CHUK: variants seen among roughly 807,000 people sequenced by gnomAD.
CHUK encodes component of inhibitor of nuclear factor kappa B kinase complex.
CHUK carries 35 observed loss-of-function variants against 104.8 expected under a neutral mutation model. The observed-to-expected ratio is 0.33, with a 90% CI of 0.26 to 0.44. The LOEUF (loss-of-function observed/expected upper bound fraction) is 0.44. Among genes scored for constraint, CHUK ranks in the 20% least tolerant of loss-of-function variants. CHUK has a pLI of 1.00. For synonymous variants in CHUK, 276 were observed against 291.9 expected, an observed-to-expected ratio of 0.95 and a Z score of 0.56; for missense variants, 663 against 902.7, an observed-to-expected ratio of 0.73 and a Z score of 3.40.
intron 11 of CHUK, among the ~76,000 whole-genome samples, chr10:100,206,103 A>G (rs1323759297): frequency 6.6e-6 from 1 of 152,148 alleles, no homozygotes. Flanking sequence ...ACCAAATGTA[A>G]TGTGTTCTAA....
intron 1 of CHUK, among the ~76,000 whole-genome samples, chr10:100,228,637 A>C (rs1170227751): frequency 6.6e-6 from 1 of 152,236 alleles, no homozygotes; most frequent in African/African-American, 2.4e-5. Context: ...CCTGGGCGAC[A>C]GAGTGAGACT....
chr10:100,217,848 G>C (rs551092997), intron 9 of CHUK, 147 bp downstream of exon 9: 1 of 855,492 alleles, frequency 1.2e-6, no homozygotes, highest in East Asian at 2.7e-5. Context: ...CTGCACTCCA[G>C]CCTAGGTGAC....
intron 9 of CHUK, 31 bp downstream of exon 9, chr10:100,217,963 TG>T (rs1564839540): frequency 1.3e-6 from 2 of 1,595,102 alleles, no homozygotes; most frequent in Non-Finnish European, 1.7e-6. Context: ...CTTTCAATGC[TG>T]GTCTTATGCA....
At position 100,193,413 on chromosome 10, in the gene CHUK, A is replaced by G; in HGVS notation, c.1993T>C (p.Ser665Pro). 6.2e-7 allele frequency: 1 copy of G among 1,614,136 alleles called. No homozygotes were observed. ...KIACTQSSAR[S>P]LVGSSLEGAV... ...CCTTCTAGACTGGATCCTACAAGGG[A>G]CCGGGCAGAACTCTGTGTCTGAAGG... is the stretch of plus-strand genomic sequence containing the variant. The change falls in exon 19 of 21, where the codon TCC (serine) becomes CCC (proline). Residue 665 changes from serine to proline, a missense_variant. Coordinates refer to ENST00000370397, the MANE Select transcript of CHUK (RefSeq NM_001278.5).
chr10:100,209,509 G>A (rs956532373), intron 10 of CHUK, 86 bp downstream of exon 10: 1 of 825,798 alleles, frequency 1.2e-6, no homozygotes, highest in Non-Finnish European at 2.1e-6. Context: ...GCCTCCCAAG[G>A]AATTCCAAGT....
At position 100,207,316 on chromosome 10, in the gene CHUK, T is replaced by A; in HGVS notation, c.1145A>T (p.Tyr382Phe). Reference protein sequence around the residue: ...VLDGVRGCDSYMVYLFDKSKT... With the variant: ...VLDGVRGCDSFMVYLFDKSKT... ...ACTTTTATCAAACAAATAAACCATA[T>A]AGCTATCACAGCCTCTCTGAAAAAG... Residue 382 changes from tyrosine (Y) to phenylalanine (F), a missense_variant, in exon 11 of 21, where the codon TAT (tyrosine) becomes TTT (phenylalanine). This residue lies in a region of CHUK where 93 missense variants were observed against 95.9 expected (regional missense o/e 0.97). Coordinates refer to ENST00000370397, the MANE Select transcript of CHUK (RefSeq NM_001278.5). 2 of 1,496,792 alleles carry A rather than the reference T, an allele frequency of 1.3e-6. No individual in the cohort carries two copies. The highest frequency in any genetic ancestry group is 1.9e-6 in the Non-Finnish European group (2 of 1,074,300). 92.7% of individuals were successfully genotyped at this position (1,496,792 alleles called of 1,614,324 possible). A position where few individuals can be genotyped will look rare whatever the true frequency, so the allele number is the denominator to read the frequency against.
intron 19 of CHUK, among the ~76,000 whole-genome samples, chr10:100,191,623 A>G (rs1395475387): frequency 6.6e-6 from 1 of 152,164 alleles, no homozygotes; most frequent in Admixed American, 6.5e-5. Context: ...CCTCTTCTAT[A>G]TGGCCTCTAG....
intron 20 of CHUK, chr10:100,190,272 T>C (rs1845166485): frequency 6.3e-6 from 1 of 158,126 alleles, no homozygotes; most frequent in Non-Finnish European, 1.4e-5. Flanking sequence ...CCACCTGCCT[T>C]GGCCTCCCAA....
Position 100,193,999 on chromosome 10 carries a change from G to T in CHUK, c.1959C>A (p.Leu653=). ...QGKRQKEIWH[L]LKIACTQSSA... ...AATTACTTACACAGGCAATTTTAAG[G>T]AGATGCCATATTTCTTTCTGCCTTT... Residue 653 remains leucine, a synonymous_variant, in exon 18 of 21, where the codon CTC becomes CTA. Coordinates refer to ENST00000370397, the MANE Select transcript of CHUK (RefSeq NM_001278.5). The T allele has an allele frequency of 6.2e-7, 1 of 1,613,426 alleles. No homozygotes were observed.
chr10:100,201,710 C>T (rs1845466609), intron 14 of CHUK, among the ~76,000 whole-genome samples: 1 of 152,054 alleles, frequency 6.6e-6, no homozygotes, highest in South Asian at 2.1e-4. Context: ...TAAAAGTTAG[C>T]CAGGCATGGT....
intron 9 of CHUK, among the ~76,000 whole-genome samples, chr10:100,215,451 G>GA (rs1478932739): frequency 6.6e-6 from 1 of 151,698 alleles, no homozygotes; most frequent in Non-Finnish European, 1.5e-5. Context: ...TAAAAGAAAG[G>GA]AAATGTAATG....
At chr10:100,207,199 A>G in intron 11 of CHUK, 31 bp downstream of exon 11, 1 of 970,820 alleles carries the variant, frequency 1.0e-6, no homozygotes, top group Non-Finnish European at 1.7e-6. Flanking sequence ...ATTCATGTTT[A>G]AAGCTCAGCC....
chr10:100,227,331 C>T (rs546080045), intron 1 of CHUK, among the ~76,000 whole-genome samples: 1 of 152,286 alleles, frequency 6.6e-6, no homozygotes, highest in African/African-American at 2.4e-5. Flanking sequence ...GTACTTAATG[C>T]CACCTAACTG....
Position 100,207,341 on chromosome 10 carries a change from GAAAC to G in CHUK, c.1129-13_1129-10del, listed in dbSNP as rs750218767. ...TAGCTATCACAGCCTCTCTGAAAAA[GAAAC>G]AAACAGTTAAAATCCTGTTCAAGGA... On this transcript the variant is annotated splice_polypyrimidine_tract_variant and intron_variant, in intron 10 of 20. Transcript: ENST00000370397. 5 of 1,229,864 alleles carry G rather than the reference GAAAC, an allele frequency of 4.1e-6. No homozygotes were observed. Among genetic ancestry groups the G allele is most frequent in the East Asian group, 2.3e-5 (1 of 43,012 alleles). 76.2% of individuals were successfully genotyped at this position (1,229,864 alleles called of 1,614,324 possible). A position where few individuals can be genotyped will look rare whatever the true frequency, so the allele number is the denominator to read the frequency against.
chr10:100,199,034 CAGA>C (rs1232373386), intron 16 of CHUK, among the ~76,000 whole-genome samples: 11 of 152,076 alleles, frequency 7.2e-5, no homozygotes, highest in Admixed American at 1.3e-4. Context: ...CCCCATTTTG[CAGA>C]AGAAGGAAAT....
chr10:100,186,348 T>A (rs1844993306), downstream of CHUK: 2 of 283,804 alleles, frequency 7.0e-6, no homozygotes, highest in Admixed American at 5.3e-5. Context: ...ATTTGTCCTT[T>A]TGCAGTGTAT....
In CHUK at chr10:100,222,968, G is replaced by T. The variant is rs764835117; in HGVS notation, c.213C>A (p.Ala71=). The T allele has an allele frequency of 4.0e-5, 63 of 1,573,842 alleles. No homozygotes were observed. Among genetic ancestry groups the T allele is most frequent in the Non-Finnish European group, 5.3e-5 (61 of 1,143,972 alleles). The stretch of plus-strand genomic sequence containing the variant: ...GAACATCACAGGCCTTTACAACATT[G>T]GCATGGTTCAACCTAATAAGAAAGA... ...EIQIMKKLNH[A]NVVKACDVPE... The change falls in exon 3 of 21, where the codon GCC becomes GCA. Residue 71 remains alanine, a synonymous_variant. Coordinates refer to ENST00000370397, the MANE Select transcript of CHUK (RefSeq NM_001278.5).
At chr10:100,200,076 T>G in intron 15 of CHUK, 56 bp from the exon 16 acceptor site, 1 of 1,242,952 alleles carries the variant, frequency 8.0e-7, no homozygotes, top group Non-Finnish European at 1.2e-6. Context: ...ACTTCAATAA[T>G]CTACAACTTG....
chr10:100,193,320 A>G lies in CHUK; in HGVS notation c.2086T>C (p.Cys696Arg), dbSNP rs79119174. 4.2e-5 allele frequency: 67 copies of G among 1,614,164 alleles called. No individual in the cohort carries two copies. The African/African-American group carries it at 4.7e-4, about 11-fold the overall frequency. Residue 696 changes from cysteine (C) to arginine (R), a missense_variant, in exon 19 of 21, where the codon TGT (cysteine) becomes CGT (arginine). Cys to Arg is a radical substitution (Grantham distance 180, BLOSUM62 -3). This residue lies in a region of CHUK where 311 missense variants were observed against 393.4 expected (regional missense o/e 0.79). Coordinates refer to ENST00000370397, the MANE Select transcript of CHUK (RefSeq NM_001278.5). ...CACCCATCTTGAGGAGTTACCACAC[A>G]TGACAGAGAATGATCATGTTCTGCT... ...TSAEHDHSLS[C>R]VVTPQDGETS...
Sources: allele counts gnomAD v4.1 joint callset (sites outside exome capture counted in the v4.1 genomes callset), GRCh38; gene constraint gnomAD v4.1.1; regional missense constraint gnomAD v4.1.1; transcripts MANE v1.5; gene names NCBI Gene and HGNC (gene_info 2026-07-23, HGNC 2026-07-21).